Variants in CARF observed in about 807,000 individuals in gnomAD.
The protein encoded by CARF is calcium responsive transcription factor.
CARF carries 57 observed loss-of-function variants against 82.0 expected under a neutral mutation model. The observed-to-expected ratio is 0.70, with a 90% CI of 0.56 to 0.87. The LOEUF (loss-of-function observed/expected upper bound fraction) is 0.87, where lower values mean the gene tolerates loss of function less well. Among genes scored for constraint, CARF ranks in the 40% least tolerant of loss-of-function variants. The probability of loss-of-function intolerance (pLI) is 0.00; values close to 1 mark genes in which losing one functional copy is unlikely to be tolerated. For synonymous variants in CARF, 268 were observed against 290.1 expected (o/e 0.92, Z 0.77); for missense variants, 771 against 855.8 (o/e 0.90, Z 1.24).
chr2:202,964,659 A>G (rs531243474), intron 9 of CARF, among the ~76,000 whole-genome samples: 1 of 152,054 alleles, frequency 6.6e-6, no homozygotes, highest in Non-Finnish European at 1.5e-5. Context: ...AGAGATAATA[A>G]TATAAGAAAC....
rs924376562 is a variant in CARF at position 202,987,019 on chromosome 2, A to G, written c.*3395A>G. 1 of 149,418 alleles carries G rather than the reference A, an allele frequency of 6.7e-6. No individual in the cohort carries two copies. The highest frequency in any genetic ancestry group is 2.5e-5 in the African/African-American group (1 of 40,688). The allele number at this position is 149,418 out of a possible 1,614,324, so 9.3% of individuals were successfully genotyped here. ...TATATTTTTCTTAGAGATAGTGGCA[A>G]TTTTGTTCATCTTGAAGATGCTGAA... On this transcript the variant is annotated 3_prime_UTR_variant, in exon 17 of 17. Coordinates refer to ENST00000438828, the MANE Select transcript of CARF (RefSeq NM_024744.17).
intron 5 of CARF, among the ~76,000 whole-genome samples, chr2:202,949,522 A>T (rs201734858): frequency 4.7e-4 from 30 of 64,230 alleles, no homozygotes; most frequent in South Asian, 8.2e-4. Context: ...TTTATTTATT[A>T]TTATTATTAT....
intron 2 of CARF, 105 bp downstream of exon 2, chr2:202,918,148 T>C (rs1443545060): frequency 3.0e-6 from 1 of 336,224 alleles, no homozygotes. Flanking sequence ...ATAGGTGCTT[T>C]GTTCTATTTA....
At chr2:202,931,376 G>T (rs753882987) in intron 3 of CARF, among the ~76,000 whole-genome samples, 2 of 152,170 alleles carry the variant, frequency 1.3e-5, no homozygotes, top group Non-Finnish European at 2.9e-5. Flanking sequence ...TATGTTATTG[G>T]TAAGGCTTCC....
At position 202,971,733 on chromosome 2, in the gene CARF, G is replaced by A. The variant is rs2105914502; in HGVS notation, c.1326G>A (p.Gln442=). The A allele has an allele frequency of 6.2e-7, 1 of 1,603,464 alleles. No individual in the cohort carries two copies. Among genetic ancestry groups the A allele is most frequent in the African/African-American group, 1.3e-5 (1 of 74,832 alleles). ...AACAAGTGTATGCAGTAAGGAAACA[G>A]CTAAGGTACAATAGAAGAGCATTGT... is the stretch of plus-strand genomic sequence containing the variant. ...GIEQVYAVRK[Q]LRKFVERELF... is the part of the protein sequence containing the mutation. Residue 442 remains glutamine (Q), a synonymous_variant, in exon 12 of 17, where the codon CAG becomes CAA. Coordinates refer to ENST00000438828, the MANE Select transcript of CARF (RefSeq NM_024744.17).
At chr2:202,971,849 A>AG (rs1335830220) in intron 12 of CARF, 111 bp downstream of exon 12, 32 of 611,060 alleles carry the variant, frequency 5.2e-5, no homozygotes, top group Non-Finnish European at 8.7e-5. Context: ...AGGGTAGATA[A>AG]GGAATATAGT....
rs991366879 is a variant in CARF, at chr2:202,912,440, C to A, written c.-992C>A. ...GGAGTCAGAGGTCTGGCAGCGCTGT[C>A]TGCGCAGACCTACCGGACGCTACCT... On this transcript the variant is annotated 5_prime_UTR_variant, in exon 1 of 17. It adds an upstream start codon to the 5' untranslated region. Coordinates refer to ENST00000438828, the MANE Select transcript of CARF (RefSeq NM_024744.17). 7.9e-6 allele frequency: 1 copy of A among 127,264 alleles called. No individual in the cohort carries two copies. The highest frequency in any genetic ancestry group is 2.8e-5 in the African/African-American group (1 of 35,492). 7.9% of individuals were successfully genotyped at this position (127,264 alleles called of 1,614,324 possible).
chr2:202,925,323 AGAG>A (rs745401106), intron 3 of CARF: 2 of 340,476 alleles, frequency 5.9e-6, no homozygotes, highest in East Asian at 7.5e-5. Flanking sequence ...AGCTGTATGA[AGAG>A]GAGATCTGTG....
intron 11 of CARF, 38 bp from the exon 12 acceptor site, chr2:202,971,467 T>G: frequency 7.9e-7 from 1 of 1,270,216 alleles, no homozygotes. Flanking sequence ...AATTTTAATG[T>G]TTAAATTTTA....
intron 3 of CARF, among the ~76,000 whole-genome samples, chr2:202,937,289 T>C (rs1694106773): frequency 6.6e-6 from 1 of 152,210 alleles, no homozygotes; most frequent in South Asian, 2.1e-4. Flanking sequence ...TTTTTAGTTC[T>C]ATAGTATTTT....
intron 10 of CARF, 31 bp downstream of exon 10, chr2:202,967,129 A>G (rs2059588855): frequency 3.7e-6 from 6 of 1,604,028 alleles, no homozygotes; most frequent in Middle Eastern, 1.7e-4. Context: ...TTTGTTTTCT[A>G]TTAAGAACTT....
chr2:202,966,863 C>T (rs558520655), intron 9 of CARF, 115 bp from the exon 10 acceptor site: 15 of 936,828 alleles, frequency 1.6e-5, no homozygotes, highest in South Asian at 1.2e-4. Context: ...GTTTTCTTTC[C>T]TTAAAGCTGT....
At position 202,985,385 on chromosome 2, in the gene CARF, T is replaced by C. The variant is rs910403035; in HGVS notation, c.*1761T>C. 1.4e-4 allele frequency: 21 copies of C among 152,062 alleles called. No homozygotes were observed. Among genetic ancestry groups the C allele is most frequent in the Non-Finnish European group, 2.6e-4 (18 of 67,976 alleles). The allele number at this position is 152,062 out of a possible 1,614,324, so 9.4% of individuals were successfully genotyped here. On this transcript the variant is annotated 3_prime_UTR_variant, in exon 17 of 17. Coordinates refer to ENST00000438828, the MANE Select transcript of CARF (RefSeq NM_024744.17). Reference sequence around the variant, plus strand: ...TAGGTGGAATTCTAATATTCCCTGCTCTTTAGATTTATATTTTATTTAATA... The same window carrying C: ...TAGGTGGAATTCTAATATTCCCTGCCCTTTAGATTTATATTTTATTTAATA...
intron 1 of CARF, among the ~76,000 whole-genome samples, chr2:202,914,731 A>G (rs569338371): frequency 6.7e-6 from 1 of 149,522 alleles, no homozygotes; most frequent in African/African-American, 2.5e-5. Flanking sequence ...GTAAGCCAAG[A>G]TCACGCCACT....
chr2:202,914,317 A>G lies in CARF; in HGVS notation c.-330+1215A>G, dbSNP rs181872737. On this transcript the variant is annotated intron_variant, in intron 1 of 16. Transcript: ENST00000438828. ...CACAGTGTGATAGGATACAAAGACT[A>G]TGCATTAGGGCTTTGGAGTCTTAAT... Among the ~76,000 whole-genome samples the G allele has an allele frequency of 5.9e-3, 895 of 152,298 alleles. 4 individuals carry two copies. Among genetic ancestry groups the G allele is most frequent in the Admixed American group, 0.014 (208 of 15,294 alleles).
At chr2:202,957,435 CTCCTACTTT>C (rs965213400) in intron 8 of CARF, among the ~76,000 whole-genome samples, 9 of 152,018 alleles carry the variant, frequency 5.9e-5, no homozygotes, top group African/African-American at 2.2e-4. Context: ...TAGCCTAGTC[CTCCTACTTT>C]TGACAGATAC....
At position 202,961,361 on chromosome 2, in the gene CARF, C is replaced by G; in HGVS notation, c.767C>G (p.Pro256Arg). The part of the protein sequence containing the change: ...GTRQSPSPAK[P>R]ATRLMWKSQY... ...CGTCAGTCTCCAAGCCCAGCCAAGCCTGCTACACGCTTGATGTGGAAATCC... is the reference window on the plus strand; with the variant it reads ...CGTCAGTCTCCAAGCCCAGCCAAGCGTGCTACACGCTTGATGTGGAAATCC... The change falls in exon 9 of 17, where the codon CCT becomes CGT. Residue 256 changes from proline to arginine, a missense_variant. Physicochemically the swap from Pro to Arg is moderately radical, Grantham distance 103. Transcript: ENST00000438828. 7 of 1,614,200 alleles carry G rather than the reference C, an allele frequency of 4.3e-6. No homozygotes were observed. Among genetic ancestry groups the G allele is most frequent in the Non-Finnish European group, 5.9e-6 (7 of 1,180,042 alleles).
intron 2 of CARF, among the ~76,000 whole-genome samples, chr2:202,923,197 C>T (rs563328913): frequency 2.4e-4 from 37 of 151,882 alleles, no homozygotes; most frequent in African/African-American, 8.2e-4. Context: ...GCCGAGATCA[C>T]GGCCATTGCA....
rs571622979 is a variant in CARF at position 202,985,895 on chromosome 2, G to A, written c.*2271G>A. 6.6e-6 allele frequency: 1 copy of A among 152,220 alleles called. No homozygotes were observed. Among genetic ancestry groups the A allele is most frequent in the Admixed American group, 6.5e-5 (1 of 15,282 alleles). The allele number at this position is 152,220 out of a possible 1,614,324, so 9.4% of individuals were successfully genotyped here. On this transcript the variant is annotated 3_prime_UTR_variant, in exon 17 of 17. Coordinates refer to ENST00000438828, the MANE Select transcript of CARF (RefSeq NM_024744.17). ...CAAACTCTAGTCAGTTACCTGTGAG[G>A]ATGAGATGTGTCAGAGGACTCAGAC... is the stretch of plus-strand genomic sequence containing the variant.
Sources: gnomAD v4.1 joint callset for allele counts (sites outside exome capture counted in the v4.1 genomes callset) on GRCh38, gnomAD v4.1.1 for gene constraint, MANE v1.5 for transcripts, NCBI Gene and HGNC (gene_info 2026-07-23, HGNC 2026-07-21) for gene names.